Variants in SPEF2 observed in about 807,000 individuals in gnomAD.
SPEF2 encodes the protein sperm flagellar and cilia associated 2, also known as sperm flagella and cilia-associated protein 2.
Under a neutral mutation model 224.6 loss-of-function variants are expected in SPEF2, and 187 were observed. The ratio of observed to expected loss-of-function variants is 0.83; its 90% CI spans 0.74 to 0.94. The LOEUF (loss-of-function observed/expected upper bound fraction) is 0.94, where lower values mean the gene tolerates loss of function less well. Ranked by LOEUF, SPEF2 falls within the 40% of genes least tolerant of loss-of-function variation. SPEF2 has a pLI of 0.00. For synonymous variants in SPEF2, 715 were observed against 707.3 expected (o/e 1.01, Z -0.17); for missense variants, 2,170 against 2,135.6 (o/e 1.02, Z -0.32).
In SPEF2 at chr5:35,717,612, G is replaced by A. The variant is rs574547921; in HGVS notation, c.2914+4726G>A. On this transcript the variant is annotated intron_variant, in intron 20 of 36. Coordinates refer to ENST00000356031, the MANE Select transcript of SPEF2 (RefSeq NM_024867.4). ...AACAGGGTTTTATTGGGTGAAAAGGGAAAAAAAGAGGAAAACGGACTCTCG... is the reference window on the plus strand; with the variant it reads ...AACAGGGTTTTATTGGGTGAAAAGGAAAAAAAAGAGGAAAACGGACTCTCG... Among the ~76,000 whole-genome samples the A allele has an allele frequency of 1.6e-4, 24 of 152,096 alleles. No homozygotes were observed. The South Asian group carries it at 5.0e-3, about 32-fold the overall frequency.
chr5:35,627,444 T>G, intron 1 of SPEF2, among the ~76,000 whole-genome samples: 1 of 151,752 alleles, frequency 6.6e-6, no homozygotes, highest in East Asian at 1.9e-4. Context: ...CTACTAAAAA[T>G]ACAAAAATTT....
Position 35,617,939 on chromosome 5 carries a change from G to T in SPEF2, c.-59G>T, listed in dbSNP as rs1413881293. ...GGCTACAGGAGGACGCGGGCTGGCA[G>T]GCTTGGTTCCTGGCGAGTTTCTAAG... On this transcript the variant is annotated 5_prime_UTR_variant, in exon 1 of 37. In the 5' UTR this introduces an upstream ATG that the reference lacks. Coordinates refer to ENST00000356031, the MANE Select transcript of SPEF2 (RefSeq NM_024867.4). 6.5e-7 allele frequency: 1 copy of T among 1,528,094 alleles called. No homozygotes were observed. Among genetic ancestry groups the T allele is most frequent in the Non-Finnish European group, 8.9e-7 (1 of 1,124,532 alleles). The allele number at this position is 1,528,094 out of a possible 1,614,324, so 94.7% of individuals were successfully genotyped here.
intron 10 of SPEF2, among the ~76,000 whole-genome samples, chr5:35,674,962 CTT>C (rs1300193463): frequency 6.6e-6 from 1 of 152,024 alleles, no homozygotes. Flanking sequence ...ATTTTCTTGT[CTT>C]TTGACTATGA....
At chr5:35,814,399 G>A (rs1758713608) in intron 36 of SPEF2, 65 bp from the exon 37 acceptor site, 1 of 859,420 alleles carries the variant, frequency 1.2e-6, no homozygotes, top group Non-Finnish European at 1.8e-6. Flanking sequence ...ATTAGTATTT[G>A]TATAGTATAG....
intron 2 of SPEF2, among the ~76,000 whole-genome samples, chr5:35,633,483 TG>T: frequency 6.6e-6 from 1 of 152,238 alleles, no homozygotes; most frequent in Non-Finnish European, 1.5e-5. Context: ...GCTTGATATA[TG>T]TTTTTCCATC....
At chr5:35,811,624 GT>G (rs1758536558) in intron 36 of SPEF2, among the ~76,000 whole-genome samples, 1 of 151,180 alleles carries the variant, frequency 6.6e-6, no homozygotes, top group African/African-American at 2.4e-5. Context: ...GGTGGGGGGG[GT>G]GGGGTTTGTA....
intron 26 of SPEF2, among the ~76,000 whole-genome samples, chr5:35,767,402 T>C (rs1752232999): frequency 6.6e-6 from 1 of 152,014 alleles, no homozygotes; most frequent in Admixed American, 6.6e-5. Context: ...TTCCCCTCTG[T>C]AAGTTTGGTC....
intron 23 of SPEF2, among the ~76,000 whole-genome samples, chr5:35,747,148 C>G (rs1265269208): frequency 6.6e-6 from 1 of 152,116 alleles, no homozygotes; most frequent in Non-Finnish European, 1.5e-5. Context: ...ACCAAGCCAC[C>G]ACTACAAGAA....
intron 33 of SPEF2, among the ~76,000 whole-genome samples, chr5:35,798,932 T>C (rs1757046568): frequency 6.6e-6 from 1 of 152,200 alleles, no homozygotes; most frequent in African/African-American, 2.4e-5. Context: ...TAAATTTTTG[T>C]TGGATTTTCC....
At chr5:35,648,993 G>A (rs1301090154) in intron 5 of SPEF2, among the ~76,000 whole-genome samples, 3 of 147,164 alleles carry the variant, frequency 2.0e-5, no homozygotes, top group African/African-American at 5.0e-5. Flanking sequence ...CAGCCTGGGC[G>A]ACAGAGTGAG....
intron 26 of SPEF2, among the ~76,000 whole-genome samples, chr5:35,769,093 T>C (rs990495149): frequency 1.3e-5 from 2 of 152,122 alleles, no homozygotes; most frequent in African/African-American, 4.8e-5. Context: ...TAATTTTTGA[T>C]AGCAACCCAG....
At chr5:35,775,002 AAATTCATTTATGC>A (rs1374324132) in intron 28 of SPEF2, among the ~76,000 whole-genome samples, 3 of 152,172 alleles carry the variant, frequency 2.0e-5, no homozygotes, top group African/African-American at 7.2e-5. Flanking sequence ...TAGTGTAGCA[AAATTCATTTATGC>A]ATATAACAAA....
intron 10 of SPEF2, among the ~76,000 whole-genome samples, chr5:35,682,829 G>A (rs1753023841): frequency 6.6e-6 from 1 of 152,154 alleles, no homozygotes; most frequent in African/African-American, 2.4e-5. Flanking sequence ...TTCCCAACTT[G>A]GATGTTTAGA....
intron 23 of SPEF2, among the ~76,000 whole-genome samples, chr5:35,752,285 G>C (rs181889723): frequency 6.5e-4 from 99 of 152,150 alleles, no homozygotes; most frequent in South Asian, 6.2e-3. Flanking sequence ...TAAATGTTTA[G>C]TGAATTATTA....
chr5:35,798,193 T>C (rs980044237), intron 33 of SPEF2, among the ~76,000 whole-genome samples: 1 of 152,140 alleles, frequency 6.6e-6, no homozygotes, highest in Non-Finnish European at 1.5e-5. Context: ...GCAGATCAAA[T>C]CACAGCATCC....
chr5:35,807,517 T>A, intron 36 of SPEF2: 1 of 990,574 alleles, frequency 1.0e-6, no homozygotes, highest in Non-Finnish European at 1.5e-6. Flanking sequence ...TGTAGCCATG[T>A]AATGACCCTA....
At chr5:35,789,420 G>T in intron 30 of SPEF2, 1 of 690,316 alleles carries the variant, frequency 1.4e-6, no homozygotes, top group South Asian at 1.5e-5. Context: ...TAGACAGTTT[G>T]ACTTGCGAAA....
intron 19 of SPEF2, chr5:35,710,557 C>CA (rs201668280): frequency 1.2e-5 from 12 of 980,534 alleles, no homozygotes; most frequent in African/African-American, 3.5e-5. Context: ...ACTCTACCTC[C>CA]AAAAAAAAGA....
At chr5:35,659,521 C>T (rs1749418750) in intron 8 of SPEF2, among the ~76,000 whole-genome samples, 1 of 152,140 alleles carries the variant, frequency 6.6e-6, no homozygotes, top group Admixed American at 6.5e-5. Context: ...ATAGGTTTCT[C>T]ATGAAGGGCT....
Sources: allele counts gnomAD v4.1 joint callset (sites outside exome capture counted in the v4.1 genomes callset), GRCh38; gene constraint gnomAD v4.1.1; transcripts MANE v1.5; gene names NCBI Gene and HGNC (gene_info 2026-07-23, HGNC 2026-07-21).